The following CCDC171 variants were observed in gnomAD, a reference collection of about 807,000 sequenced individuals.
The protein encoded by CCDC171 is coiled-coil domain containing 171.
In CCDC171, 177 loss-of-function variants were observed where a neutral mutation model predicts 168.2. The observed-to-expected ratio is 1.05, with a 90% CI of 0.93 to 1.19. CCDC171 has a LOEUF of 1.19. CCDC171 is among the 50% of genes most tolerant of loss of function. CCDC171 has a pLI of 0.00. For missense variants in CCDC171, 1,991 were observed against 1,539.0 expected (o/e 1.29, Z -4.91); for synonymous variants, 687 against 540.8 (o/e 1.27, Z -3.75).
At chr9:15,739,601 G>GGAATAT (rs1434259241) in intron 16 of CCDC171, among the ~76,000 whole-genome samples, 1 of 151,990 alleles carries the variant, frequency 6.6e-6, no homozygotes, top group Admixed American at 6.6e-5. Flanking sequence ...AACAATGCCT[G>GGAATAT]GAATATGAAT....
intron 14 of CCDC171, among the ~76,000 whole-genome samples, chr9:15,727,264 T>C (rs1033184551): frequency 3.9e-5 from 6 of 152,166 alleles, no homozygotes; most frequent in Admixed American, 2.6e-4. Flanking sequence ...TCCATATCTT[T>C]CATATCACTA....
At chr9:15,729,941 T>G (rs2054052865) in intron 16 of CCDC171, 143 bp downstream of exon 16, 1 of 583,676 alleles carries the variant, frequency 1.7e-6, no homozygotes, top group African/African-American at 1.8e-5. Context: ...ATATATTTGT[T>G]TAGATACACA....
intron 1 of CCDC171, among the ~76,000 whole-genome samples, chr9:16,051,434 A>G (rs1351192018): frequency 6.6e-6 from 1 of 152,126 alleles, no homozygotes; most frequent in Non-Finnish European, 1.5e-5. Flanking sequence ...TCTGGTCACC[A>G]AGGCCTGGGT....
chr9:16,086,609 C>G, the CCDC171 span, among the ~76,000 whole-genome samples: 2 of 152,050 alleles, frequency 1.3e-5, no homozygotes, highest in African/African-American at 2.4e-5. Context: ...CTCTTTTCTT[C>G]TTTATTAGTC....
chr9:15,623,504 C>CACACACACACAT, intron 7 of CCDC171, 91 bp downstream of exon 7: 1 of 669,096 alleles, frequency 1.5e-6, no homozygotes. Flanking sequence ...CACACACACA[C>CACACACACACAT]ACATAAAACC....
chr9:15,675,406 C>A (rs1374081976), intron 9 of CCDC171, among the ~76,000 whole-genome samples: 1 of 151,978 alleles, frequency 6.6e-6, no homozygotes, highest in Non-Finnish European at 1.5e-5. Flanking sequence ...TGAATCTGAT[C>A]CTGTCATTAT....
intron 10 of CCDC171, among the ~76,000 whole-genome samples, chr9:15,692,879 G>C (rs2133725974): frequency 6.8e-6 from 1 of 147,692 alleles, no homozygotes; most frequent in African/African-American, 2.5e-5. Context: ...GCTCACCCCT[G>C]TAATCCCAGC....
chr9:15,723,056 G>A (rs1001999195), intron 12 of CCDC171, among the ~76,000 whole-genome samples: 13 of 152,176 alleles, frequency 8.5e-5, no homozygotes, highest in African/African-American at 2.9e-4. Context: ...GCTTTGTTGT[G>A]AACCAGTGCC....
intron 10 of CCDC171, among the ~76,000 whole-genome samples, chr9:15,688,118 C>A (rs1321445170): frequency 2.7e-4 from 26 of 94,908 alleles, no homozygotes; most frequent in African/African-American, 5.1e-4. Flanking sequence ...GACTCCATCT[C>A]AAAAAAAAAA....
intron 1 of CCDC171, among the ~76,000 whole-genome samples, chr9:15,559,179 T>G (rs1404310365): frequency 6.6e-6 from 1 of 152,160 alleles, no homozygotes; most frequent in African/African-American, 2.4e-5. Flanking sequence ...GGAATAAGTG[T>G]GATGTGGTGC....
chr9:15,866,827 C>G (rs1225747093), intron 23 of CCDC171, among the ~76,000 whole-genome samples: 2 of 151,982 alleles, frequency 1.3e-5, no homozygotes, highest in Non-Finnish European at 2.9e-5. Context: ...GGAATTCTGT[C>G]TCCTTAATTT....
chr9:15,709,743 T>C (rs7855235), intron 11 of CCDC171, among the ~76,000 whole-genome samples: 72,320 of 151,968 alleles, frequency 0.48, 17,684 homozygotes, highest in East Asian at 0.78. Context: ...TGTTTTTTCT[T>C]ACTCCCAAGA....
chr9:15,577,728 C>A (rs1355242887), intron 3 of CCDC171, among the ~76,000 whole-genome samples: 1 of 152,122 alleles, frequency 6.6e-6, no homozygotes, highest in Non-Finnish European at 1.5e-5. Context: ...TTAAGACAAC[C>A]CAACATTAAG....
At chr9:15,616,418 T>G (rs2044088468) in intron 6 of CCDC171, among the ~76,000 whole-genome samples, 1 of 151,998 alleles carries the variant, frequency 6.6e-6, no homozygotes, top group Non-Finnish European at 1.5e-5. Flanking sequence ...CTCATGAGAC[T>G]TCCTAAATAA....
chr9:15,889,636 C>T (rs10810462), intron 24 of CCDC171, among the ~76,000 whole-genome samples: 51,323 of 151,978 alleles, frequency 0.34, 10,755 homozygotes, highest in East Asian at 0.62. Flanking sequence ...GGCACATTTT[C>T]ACTCCATGCC....
rs190616474 is a variant in CCDC171, at chr9:15,836,077, A to T, written c.3268-10625A>T. Reference sequence around the variant, plus strand: ...TATCTTCCCCCAATGATCCAATATTAAATGAGCCTAGACACTGATTTTCTA... The same window carrying T: ...TATCTTCCCCCAATGATCCAATATTTAATGAGCCTAGACACTGATTTTCTA... On this transcript the variant is annotated intron_variant, in intron 21 of 25. Coordinates refer to ENST00000380701, the MANE Select transcript of CCDC171 (RefSeq NM_173550.4). 1.2e-3 allele frequency among the ~76,000 whole-genome samples: 180 copies of T among 152,324 alleles called. 1 individual carries two copies. The highest frequency in any genetic ancestry group is 3.1e-4 in the Non-Finnish European group (21 of 68,030).
chr9:15,961,355 G>A (rs186364233), intron 25 of CCDC171, among the ~76,000 whole-genome samples: 40 of 152,300 alleles, frequency 2.6e-4, no homozygotes, highest in African/African-American at 9.4e-4. Flanking sequence ...AGTTCCCAGA[G>A]AGAGTGTGAC....
intron 16 of CCDC171, among the ~76,000 whole-genome samples, chr9:15,736,425 A>G (rs1364450771): frequency 6.6e-6 from 1 of 151,808 alleles, no homozygotes; most frequent in Non-Finnish European, 1.5e-5. Context: ...ATCATAGCTC[A>G]CTGCAGCCTC....
At chr9:15,588,365 G>C in intron 4 of CCDC171, 1 of 245,756 alleles carries the variant, frequency 4.1e-6, no homozygotes, top group Non-Finnish European at 8.5e-6. Context: ...ATGCCCAAGA[G>C]AAAGCCTGAA....
Sources: allele counts gnomAD v4.1 joint callset (sites outside exome capture counted in the v4.1 genomes callset), GRCh38; gene constraint gnomAD v4.1.1; transcripts MANE v1.5; gene names NCBI Gene and HGNC (gene_info 2026-07-23, HGNC 2026-07-21).